The following FGF14 variants were observed in gnomAD, a reference collection of about 807,000 sequenced individuals.
FGF14 encodes the protein fibroblast growth factor homologous factor 4.
A neutral mutation model predicts 25.5 loss-of-function variants in FGF14; 5 were observed. The ratio of observed to expected loss-of-function variants is 0.20; its 90% CI spans 0.10 to 0.41. FGF14 has a LOEUF of 0.41. Among genes scored for constraint, FGF14 ranks in the 10% least tolerant of loss-of-function variants. FGF14 has a pLI of 1.00. For missense variants in FGF14, 222 were observed against 320.1 expected (o/e 0.69, Z 2.34); for synonymous variants, 138 against 118.3 (o/e 1.17, Z -1.08).
intron 1 of FGF14, among the ~76,000 whole-genome samples, chr13:102,042,844 T>C (rs951952617): frequency 6.6e-5 from 10 of 152,182 alleles, no homozygotes; most frequent in Middle Eastern, 3.2e-3. Context: ...CTCAAAACTA[T>C]GGATAGTTGG....
intron 1 of FGF14, among the ~76,000 whole-genome samples, chr13:101,932,016 T>C (rs2139246617): frequency 6.6e-6 from 1 of 152,334 alleles, no homozygotes; most frequent in Middle Eastern, 3.4e-3. Context: ...ATGCCAAATA[T>C]TAAGATATTA....
intron 1 of FGF14, among the ~76,000 whole-genome samples, chr13:102,205,926 TG>T (rs2049890195): frequency 1.5e-5 from 2 of 134,672 alleles, no homozygotes; most frequent in Non-Finnish European, 3.1e-5. Context: ...TGGGGTGACG[TG>T]GACCAGTCAC....
chr13:102,259,114 A>T (rs1336715), intron 1 of FGF14, among the ~76,000 whole-genome samples: 124,559 of 152,190 alleles, frequency 0.82, 51,611 homozygotes, highest in African/African-American at 0.95. Context: ...AATGCAAATA[A>T]CATGATCTTA....
intron 1 of FGF14, among the ~76,000 whole-genome samples, chr13:101,938,558 ATT>A (rs1185224142): frequency 1.3e-5 from 2 of 152,216 alleles, no homozygotes; most frequent in Non-Finnish European, 2.9e-5. Context: ...CATTGAGAAA[ATT>A]TTGTTTGTAG....
chr13:102,092,322 A>G (rs2044201352), intron 1 of FGF14, among the ~76,000 whole-genome samples: 1 of 152,194 alleles, frequency 6.6e-6, no homozygotes, highest in Non-Finnish European at 1.5e-5. Flanking sequence ...CTGTTTGTCT[A>G]AAAACTCTCA....
chr13:102,149,778 C>T (rs907935581), intron 1 of FGF14, among the ~76,000 whole-genome samples: 4 of 152,134 alleles, frequency 2.6e-5, no homozygotes, highest in African/African-American at 9.7e-5. Context: ...GCTCCGGAAG[C>T]CTTGTAAGGG....
chr13:101,891,052 G>T (rs1356453371), intron 1 of FGF14, among the ~76,000 whole-genome samples: 1 of 152,142 alleles, frequency 6.6e-6, no homozygotes, highest in Non-Finnish European at 1.5e-5. Context: ...CTAAGCCGAG[G>T]TTAAAACTTT....
chr13:101,962,268 C>T (rs934197752), intron 1 of FGF14, among the ~76,000 whole-genome samples: 4 of 152,124 alleles, frequency 2.6e-5, no homozygotes, highest in African/African-American at 7.2e-5. Context: ...TGAAGAGGTG[C>T]TTCACTTCCC....
At chr13:102,390,577 T>A (rs1326418464) in intron 1 of FGF14, among the ~76,000 whole-genome samples, 2 of 152,246 alleles carry the variant, frequency 1.3e-5, no homozygotes, top group Non-Finnish European at 2.9e-5. Flanking sequence ...GATCTTTCAG[T>A]TACTAGCTAG....
chr13:101,890,288 C>T (rs1402262812), intron 1 of FGF14, among the ~76,000 whole-genome samples: 1 of 152,078 alleles, frequency 6.6e-6, no homozygotes, highest in Non-Finnish European at 1.5e-5. Flanking sequence ...AAGCAGTCCA[C>T]ACCTGTAGCA....
chr13:102,303,850 G>T (rs2055214685), intron 1 of FGF14, among the ~76,000 whole-genome samples: 1 of 152,114 alleles, frequency 6.6e-6, no homozygotes, highest in African/African-American at 2.4e-5. Flanking sequence ...AATTCAAACT[G>T]CACACAGTAG....
rs2037588657 is a variant in FGF14, at chr13:101,971,444, C to T, written c.209-96148G>A. 2.0e-5 allele frequency among the ~76,000 whole-genome samples: 3 copies of T among 151,648 alleles called. No individual in the cohort carries two copies. In the South Asian group the frequency reaches 6.3e-4, roughly 32 times the overall value. ...GTAGTGCAGTGGCATGTTCTTGGCT[C>T]ACTGCAACCTCCGCCTCCCAGGCTC... is the stretch of plus-strand genomic sequence containing the variant. On this transcript the variant is annotated intron_variant, in intron 1 of 4. Coordinates refer to the FGF14 transcript ENST00000376131.
intron 1 of FGF14, among the ~76,000 whole-genome samples, chr13:102,289,181 C>G (rs1006115915): frequency 6.6e-6 from 1 of 152,130 alleles, no homozygotes; most frequent in Non-Finnish European, 1.5e-5. Context: ...CTTGTGAGCC[C>G]TGTAAAGAAT....
intron 3 of FGF14, among the ~76,000 whole-genome samples, chr13:101,745,848 G>T (rs1177309937): frequency 1.3e-5 from 2 of 152,014 alleles, no homozygotes; most frequent in South Asian, 2.1e-4. Flanking sequence ...GAAATGTTGA[G>T]AACACACTTA....
intron 1 of FGF14, among the ~76,000 whole-genome samples, chr13:102,133,407 G>A (rs1008391640): frequency 6.6e-6 from 1 of 152,138 alleles, no homozygotes; most frequent in Non-Finnish European, 1.5e-5. Context: ...CAATAATTTG[G>A]ATTGTGTTAA....
chr13:102,055,124 C>T (rs2042374092), intron 1 of FGF14, among the ~76,000 whole-genome samples: 1 of 152,216 alleles, frequency 6.6e-6, no homozygotes, highest in African/African-American at 2.4e-5. Context: ...CAGTTCAATG[C>T]CCCATTTGTA....
At chr13:102,217,002 G>T (rs1202046597) in intron 1 of FGF14, among the ~76,000 whole-genome samples, 2 of 152,092 alleles carry the variant, frequency 1.3e-5, no homozygotes, top group East Asian at 3.9e-4. Flanking sequence ...TCTTTCTTAT[G>T]ACTGAAAAAT....
chr13:102,087,714 G>A (rs757622694), intron 1 of FGF14, among the ~76,000 whole-genome samples: 1 of 151,116 alleles, frequency 6.6e-6, no homozygotes, highest in Admixed American at 6.6e-5. Context: ...GTGAGCCACC[G>A]CGCCCAGCCC....
chr13:102,134,199 T>G (rs1370265074), intron 1 of FGF14, among the ~76,000 whole-genome samples: 1 of 152,066 alleles, frequency 6.6e-6, no homozygotes, highest in Non-Finnish European at 1.5e-5. Flanking sequence ...AAGGACATGG[T>G]AGGAAAAAAG....
Sources: gnomAD v4.1 joint callset for allele counts (sites outside exome capture counted in the v4.1 genomes callset) on GRCh38, gnomAD v4.1.1 for gene constraint, MANE v1.5 for transcripts, NCBI Gene and HGNC (gene_info 2026-07-23, HGNC 2026-07-21) for gene names.